Variants in NDUFA1 observed in about 807,000 individuals in gnomAD.
NDUFA1 encodes NADH:ubiquinone oxidoreductase subunit A1.
For synonymous variants in NDUFA1, 21 were observed against 20.0 expected (o/e 1.05, Z -0.14); for missense variants, 42 against 56.0 (o/e 0.75, Z 0.80).
Position 119,872,086 on chromosome X carries a change from C to T in NDUFA1, c.102+73C>T, listed in dbSNP as rs2239006. The T allele has an allele frequency of 2.7e-3, 2,792 of 1,024,147 alleles. 56 individuals carry two copies. In the Admixed American group the frequency reaches 0.041, roughly 15 times the overall value. The allele number at this position is 1,024,147 out of a possible 1,213,427, so 84.4% of individuals were successfully genotyped here. On this transcript the variant is annotated intron_variant, in intron 1 of 2. Transcript: ENST00000371437. ...AAAGGGTGGTGGGCAGGGAGACCGT[C>T]AGCCTGCGAACCCTCTCTCCGAGGT...
intron 1 of NDUFA1, among the ~76,000 whole-genome samples, chrX:119,872,839 C>T (rs907293104): frequency 1.6e-4 from 18 of 109,455 alleles, no homozygotes; most frequent in African/African-American, 5.6e-4. Flanking sequence ...TTTTTTATTC[C>T]CCACTTTCTC....
At position 119,871,854 on chromosome X, in the gene NDUFA1, G is replaced by T. The variant is rs1387561728; in HGVS notation, c.-58G>T. The T allele has an allele frequency of 2.6e-6, 3 of 1,165,604 alleles. No individual in the cohort carries two copies. The Admixed American group carries it at 6.5e-5, about 25-fold the overall frequency. ...GGGGCTTGCTGGGAAGAGAGGCGAA[G>T]CCAGGTCACCTTTCAAGGACCCAGA... On this transcript the variant is annotated 5_prime_UTR_variant, in exon 1 of 3. Coordinates refer to ENST00000371437, the MANE Select transcript of NDUFA1 (RefSeq NM_004541.4).
In NDUFA1 at chrX:119,876,364, T is replaced by A; in HGVS notation, c.193-150T>A. On this transcript the variant is annotated intron_variant, in intron 2 of 2. Coordinates refer to ENST00000371437, the MANE Select transcript of NDUFA1 (RefSeq NM_004541.4). Reference sequence around the variant, plus strand: ...ATTCTTTAGTGATTATAAAATTTAATCCAATGTATTGTTGCAGTTAGAGAA... The same window carrying A: ...ATTCTTTAGTGATTATAAAATTTAAACCAATGTATTGTTGCAGTTAGAGAA... 7.1e-6 allele frequency: 4 copies of A among 565,556 alleles called. No individual in the cohort carries two copies. In the South Asian group the frequency reaches 1.0e-4, roughly 14 times the overall value. 46.6% of individuals were successfully genotyped at this position (565,556 alleles called of 1,213,427 possible).
chrX:119,875,315 G>GTTTTTTTTTTTTTT (rs1244653642), intron 2 of NDUFA1, among the ~76,000 whole-genome samples: 5 of 86,536 alleles, frequency 5.8e-5, no homozygotes, highest in Admixed American at 2.4e-4. Context: ...TCACTGATGA[G>GTTTTTTTTTTTTTT]TCTTTTTTTT....
chrX:119,876,365 C>G (rs1245356746), intron 2 of NDUFA1, 149 bp from the exon 3 acceptor site: 2 of 564,385 alleles, frequency 3.5e-6, no homozygotes, highest in African/African-American at 2.3e-5. Context: ...AAAATTTAAT[C>G]CAATGTATTG....
intron 2 of NDUFA1, 148 bp from the exon 3 acceptor site, chrX:119,876,366 C>A: frequency 1.8e-6 from 1 of 564,729 alleles, no homozygotes; most frequent in Non-Finnish European, 3.1e-6. Flanking sequence ...AAATTTAATC[C>A]AATGTATTGT....
At position 119,876,599 on chromosome X, in the gene NDUFA1, T is replaced by C. The variant is rs2056438168; in HGVS notation, c.*65T>C. On this transcript the variant is annotated 3_prime_UTR_variant, in exon 3 of 3. Transcript: ENST00000371437. The stretch of plus-strand genomic sequence containing the variant: ...ATGGCCATCTACCCCTGCTAGAAGG[T>C]TACAGTGTATTATGTAGCATGCAAT... 1.0e-6 allele frequency: 1 copy of C among 991,177 alleles called. No individual in the cohort carries two copies. The highest frequency in any genetic ancestry group is 1.4e-6 in the Non-Finnish European group (1 of 694,880). The allele number at this position is 991,177 out of a possible 1,213,427, so 81.7% of individuals were successfully genotyped here.
intron 1 of NDUFA1, 62 bp downstream of exon 1, chrX:119,872,075 A>G: frequency 9.3e-7 from 1 of 1,076,499 alleles, no homozygotes; most frequent in African/African-American, 1.8e-5. Context: ...GGTGGTGGGC[A>G]GGGAGACCGT....
chrX:119,872,571 C>A (rs774027064), intron 1 of NDUFA1, among the ~76,000 whole-genome samples: 1 of 110,491 alleles, frequency 9.1e-6, no homozygotes, highest in African/African-American at 3.3e-5. Flanking sequence ...GAGCCGAGAT[C>A]GCGCCACTGC....
rs1263941957 is a variant in NDUFA1, at chrX:119,872,057, C to G, written c.102+44C>G. 4.4e-6 allele frequency: 5 copies of G among 1,143,567 alleles called. 1 individual carries two copies. The highest frequency in any genetic ancestry group is 6.0e-6 in the Non-Finnish European group (5 of 833,249). The allele number at this position is 1,143,567 out of a possible 1,213,427, so 94.2% of individuals were successfully genotyped here. A position where few individuals can be genotyped will look rare whatever the true frequency, so the allele number is the denominator to read the frequency against. ...GGGGGCCGACTCCACGGGCTGATTT[C>G]CGAAAAGGGTGGTGGGCAGGGAGAC... On this transcript the variant is annotated intron_variant, in intron 1 of 2. Coordinates refer to ENST00000371437, the MANE Select transcript of NDUFA1 (RefSeq NM_004541.4).
chrX:119,875,302 T>C lies in NDUFA1; in HGVS notation c.193-1212T>C, dbSNP rs764738686. Among the ~76,000 whole-genome samples, 24 of 106,279 alleles carry C rather than the reference T, an allele frequency of 2.3e-4. 2 individuals are homozygous for C. In the South Asian group the frequency reaches 0.01, roughly 45 times the overall value. The allele number at this position is 106,279 out of a possible 115,157, so 92.3% of individuals were successfully genotyped here. A position where few individuals can be genotyped will look rare whatever the true frequency, so the allele number is the denominator to read the frequency against. ...TGTTATTTAATACCTAGAAGAAGTG[T>C]CATCACTGATGAGTCTTTTTTTTTT... On this transcript the variant is annotated intron_variant, in intron 2 of 2. Coordinates refer to ENST00000371437, the MANE Select transcript of NDUFA1 (RefSeq NM_004541.4).
At chrX:119,875,315 G>GTTTTTTTTTT (rs1244653642) in intron 2 of NDUFA1, among the ~76,000 whole-genome samples, 1 of 86,532 alleles carries the variant, frequency 1.2e-5, no homozygotes, top group African/African-American at 5.0e-5. Context: ...TCACTGATGA[G>GTTTTTTTTTT]TCTTTTTTTT....
At chrX:119,875,547 T>C (rs981001604) in intron 2 of NDUFA1, among the ~76,000 whole-genome samples, 4 of 109,706 alleles carry the variant, frequency 3.6e-5, no homozygotes, top group Admixed American at 2.9e-4. Context: ...CCTGACCTCA[T>C]GATCCACCCA....
At chrX:119,872,078 G>T in intron 1 of NDUFA1, 65 bp downstream of exon 1, 1 of 1,054,345 alleles carries the variant, frequency 9.5e-7, no homozygotes, top group East Asian at 3.0e-5. Context: ...GGTGGGCAGG[G>T]AGACCGTCAG....
intron 2 of NDUFA1, among the ~76,000 whole-genome samples, chrX:119,874,209 G>A (rs2056427409): frequency 9.4e-6 from 1 of 106,083 alleles, no homozygotes; most frequent in Non-Finnish European, 1.9e-5. Flanking sequence ...TGAGCCCAGG[G>A]GTTTGAGGCT....
chrX:119,872,799 C>T (rs2056420491), intron 1 of NDUFA1, among the ~76,000 whole-genome samples: 1 of 106,405 alleles, frequency 9.4e-6, no homozygotes, highest in South Asian at 4.3e-4. Context: ...GGATTACAGG[C>T]GTGAGCCGCC....
At position 119,871,932 on chromosome X, in the gene NDUFA1, C is replaced by T. The variant is rs1164847519; in HGVS notation, c.21C>T (p.Pro7=). The change falls in exon 1 of 3, where the codon CCC becomes CCT. Residue 7 remains proline (P), a synonymous_variant. Transcript: ENST00000371437. MWFEIL[P]GLSVMGVCLL... ...CAGAGATGTGGTTCGAGATTCTCCCCGGACTCTCCGTCATGGGCGTGTGCT... is the reference window on the plus strand; with the variant it reads ...CAGAGATGTGGTTCGAGATTCTCCCTGGACTCTCCGTCATGGGCGTGTGCT... 1.7e-6 allele frequency: 2 copies of T among 1,210,901 alleles called. No homozygotes were observed. The highest frequency in any genetic ancestry group is 3.5e-5 in the African/African-American group (2 of 57,613).
chrX:119,872,019 C>T lies in NDUFA1; in HGVS notation c.102+6C>T. 8.3e-7 allele frequency: 1 copy of T among 1,207,155 alleles called. No homozygotes were observed. Among genetic ancestry groups the T allele is most frequent in the Non-Finnish European group, 1.1e-6 (1 of 890,881 alleles). On this transcript the variant is annotated splice_donor_region_variant and intron_variant, in intron 1 of 2. Coordinates refer to ENST00000371437, the MANE Select transcript of NDUFA1 (RefSeq NM_004541.4). Reference sequence around the variant, plus strand: ...GGTTCACTAACGGGGGCAAGGTAAGCCGGCTTCGGCCCGGGGGCCGACTCC... The same window carrying T: ...GGTTCACTAACGGGGGCAAGGTAAGTCGGCTTCGGCCCGGGGGCCGACTCC...
At chrX:119,873,714 G>A (rs776231994) in intron 2 of NDUFA1, among the ~76,000 whole-genome samples, 13 of 110,286 alleles carry the variant, frequency 1.2e-4, no homozygotes, top group Non-Finnish European at 2.1e-4. Context: ...CCAGTCTGCT[G>A]TTTGTCTTTT....
Sources: allele counts gnomAD v4.1 joint callset (sites outside exome capture counted in the v4.1 genomes callset), GRCh38; gene constraint gnomAD v4.1.1; transcripts MANE v1.5; gene names NCBI Gene and HGNC (gene_info 2026-07-23, HGNC 2026-07-21).